The following COBL variants were observed in gnomAD, a reference collection of about 807,000 sequenced individuals.
COBL encodes the protein cordon-bleu WH2 repeat protein, also known as protein cordon-bleu.
COBL carries 51 observed loss-of-function variants against 98.8 expected under a neutral mutation model. That is an observed-to-expected ratio of 0.52 (90% CI 0.41 to 0.65). The LOEUF (loss-of-function observed/expected upper bound fraction) is 0.65, where lower values mean the gene tolerates loss of function less well. Among genes scored for constraint, COBL ranks in the 30% least tolerant of loss-of-function variants. COBL has a pLI of 0.00. For missense variants in COBL, 1,617 were observed against 1,617.5 expected (o/e 1.00, Z 0.01); for synonymous variants, 634 against 651.7 (o/e 0.97, Z 0.41).
intron 7 of COBL, among the ~76,000 whole-genome samples, chr7:51,082,176 A>G (rs1056821503): frequency 1.3e-5 from 2 of 152,182 alleles, no homozygotes; most frequent in Non-Finnish European, 2.9e-5. Flanking sequence ...GCAGAAAAGT[A>G]TGAACTTCCT....
Position 51,026,562 on chromosome 7 carries a change from G to A in COBL, c.3488C>T (p.Thr1163Ile), listed in dbSNP as rs1480206502. 1 of 1,613,962 alleles carries A rather than the reference G, an allele frequency of 6.2e-7. No individual in the cohort carries two copies. Among genetic ancestry groups the A allele is most frequent in the Non-Finnish European group, 8.5e-7 (1 of 1,180,030 alleles). The part of the protein sequence containing the change: ...LLAAIRGHSG[T>I]CSLRKVASSA... Reference sequence around the variant, plus strand: ...ACCTCTTACCTTCCTCAGGCTGCAGGTGCCGCTGTGCCCGCGGATAGCTGC... The same window carrying A: ...ACCTCTTACCTTCCTCAGGCTGCAGATGCCGCTGTGCCCGCGGATAGCTGC... The change falls in exon 11 of 13, where the codon ACC (threonine) becomes ATC (isoleucine). Residue 1163 changes from threonine to isoleucine, a missense_variant. This residue lies in a region of COBL where 1,304 missense variants were observed against 1,282.0 expected (regional missense o/e 1.02). Transcript: ENST00000265136.
At chr7:51,297,272 G>C (rs980053309) in intron 1 of COBL, among the ~76,000 whole-genome samples, 2 of 152,070 alleles carry the variant, frequency 1.3e-5, no homozygotes, top group Non-Finnish European at 2.9e-5. Flanking sequence ...GCATTATTAG[G>C]AATCACACCA....
chr7:51,106,669 G>A lies in COBL; in HGVS notation c.958-21365C>T, dbSNP rs1169432776. On this transcript the variant is annotated intron_variant, in intron 6 of 12. Transcript: ENST00000265136. ...GTTGAAAAGACTCCCATCAAATGCTGATGCCTTAGGTCAACCAAATGATTC... is the reference window on the plus strand; with the variant it reads ...GTTGAAAAGACTCCCATCAAATGCTAATGCCTTAGGTCAACCAAATGATTC... Among the ~76,000 whole-genome samples, 4 of 152,160 alleles carry A rather than the reference G, an allele frequency of 2.6e-5. No individual in the cohort carries two copies. The South Asian group carries it at 8.3e-4, about 32-fold the overall frequency.
chr7:51,259,620 C>A lies in COBL; in HGVS notation c.42-39676G>T, dbSNP rs983353595. On this transcript the variant is annotated intron_variant, in intron 1 of 12. Coordinates refer to ENST00000265136, the MANE Select transcript of COBL (RefSeq NM_015198.5). Reference sequence around the variant, plus strand: ...AATTTCATGAATGAGGTCTTCCAAGCAAATGACACCAAAATTCCCCTGGTG... The same window carrying A: ...AATTTCATGAATGAGGTCTTCCAAGAAAATGACACCAAAATTCCCCTGGTG... The A allele has an allele frequency of 6.6e-5, 48 of 729,972 alleles. 1 individual carries two copies. In the African/African-American group the frequency reaches 7.6e-4, roughly 12 times the overall value. The allele number at this position is 729,972 out of a possible 1,614,324, so 45.2% of individuals were successfully genotyped here.
At chr7:51,272,329 G>C (rs903368098) in intron 1 of COBL, among the ~76,000 whole-genome samples, 1 of 151,952 alleles carries the variant, frequency 6.6e-6, no homozygotes, top group South Asian at 2.1e-4. Context: ...ATTGAGCTTG[G>C]GTTTTAATAA....
At position 51,284,193 on chromosome 7, in the gene COBL, C is replaced by T. The variant is rs187089801; in HGVS notation, c.41+32400G>A. Among the ~76,000 whole-genome samples the T allele has an allele frequency of 7.5e-3, 1,102 of 146,126 alleles. 15 individuals carry two copies. The highest frequency in any genetic ancestry group is 0.027 in the African/African-American group (1,071 of 39,830). ...GCGGGTGCCTGTAGTCCCAGCTACT[C>T]GGGAGGCTGAGGCAGGAGAATGGTG... On this transcript the variant is annotated intron_variant, in intron 1 of 12. Transcript: ENST00000265136.
At chr7:51,090,490 C>T (rs571784495) in intron 6 of COBL, among the ~76,000 whole-genome samples, 2 of 152,354 alleles carry the variant, frequency 1.3e-5, no homozygotes, top group East Asian at 3.9e-4. Flanking sequence ...GTACATCTAA[C>T]ATTCCAGCTT....
At chr7:51,036,336 CAAAAAAAAAAA>C (rs59610375) in intron 8 of COBL, among the ~76,000 whole-genome samples, 13 of 94,204 alleles carry the variant, frequency 1.4e-4, no homozygotes, top group Admixed American at 3.8e-4. Flanking sequence ...GACTCCGTCT[CAAAAAAAAAAA>C]AAAAAAAAAA....
rs61258473 is a variant in COBL, at chr7:51,147,461, C to T, written c.784-11130G>A. Among the ~76,000 whole-genome samples the T allele has an allele frequency of 5.2e-3, 792 of 152,268 alleles. 32 individuals carry two copies. In the East Asian group the frequency reaches 0.13, roughly 25 times the overall value. On this transcript the variant is annotated intron_variant, in intron 5 of 12. Coordinates refer to ENST00000265136, the MANE Select transcript of COBL (RefSeq NM_015198.5). ...GGAGACAGGGTCATTTATAACCTGA[C>T]GCGTTCACCTTACTGCTGTATCTGG...
intron 2 of COBL, among the ~76,000 whole-genome samples, chr7:51,202,585 C>T (rs957014374): frequency 1.4e-4 from 22 of 152,210 alleles, no homozygotes; most frequent in African/African-American, 5.3e-4. Flanking sequence ...GGAAACTACA[C>T]AACACAATCT....
intron 1 of COBL, among the ~76,000 whole-genome samples, chr7:51,283,546 G>A (rs568435194): frequency 1.3e-5 from 2 of 152,280 alleles, no homozygotes; most frequent in Admixed American, 6.5e-5. Context: ...GTGCAGGGGC[G>A]CGATCCTGGC....
intron 1 of COBL, among the ~76,000 whole-genome samples, chr7:51,279,296 G>C (rs1799596148): frequency 6.6e-6 from 1 of 152,196 alleles, no homozygotes. Flanking sequence ...AACTACTAAA[G>C]ACTAAAGGGA....
chr7:51,068,981 T>TGAC (rs1792247264), intron 7 of COBL, among the ~76,000 whole-genome samples: 2 of 152,158 alleles, frequency 1.3e-5, no homozygotes, highest in African/African-American at 4.8e-5. Context: ...GTGCAGTGAG[T>TGAC]GACAGTTCCA....
chr7:51,272,871 A>C (rs534173694), intron 1 of COBL, among the ~76,000 whole-genome samples: 1 of 152,198 alleles, frequency 6.6e-6, no homozygotes, highest in African/African-American at 2.4e-5. Context: ...TCTGCAGGTA[A>C]AGACAACTTA....
intron 2 of COBL, among the ~76,000 whole-genome samples, chr7:51,200,057 G>A (rs945061888): frequency 6.6e-6 from 1 of 152,162 alleles, no homozygotes; most frequent in African/African-American, 2.4e-5. Flanking sequence ...TCACACACAA[G>A]GGAAACATTG....
In COBL at chr7:51,028,834, C is replaced by T. The variant is rs776767753; in HGVS notation, c.2262G>A (p.Ser754=). The change falls in exon 10 of 13, where the codon TCG becomes TCA. Residue 754 remains serine (S), a synonymous_variant. Coordinates refer to ENST00000265136, the MANE Select transcript of COBL (RefSeq NM_015198.5). The part of the protein sequence containing the change: ...ATGIRIISLS[S]SVPEAESQPI... ...GCTGAGATTCTGCTTCAGGCACAGA[C>T]GAAGACAGGGAAATGATCCTGATGC... The T allele has an allele frequency of 1.8e-5, 29 of 1,614,078 alleles. No homozygotes were observed. The highest frequency in any genetic ancestry group is 1.6e-4 in the Middle Eastern group (1 of 6,084).
chr7:51,110,046 C>T (rs1394332888), intron 6 of COBL, among the ~76,000 whole-genome samples: 1 of 152,184 alleles, frequency 6.6e-6, no homozygotes, highest in African/African-American at 2.4e-5. Context: ...TACAAGCTTA[C>T]AATGTGTAAT....
intron 1 of COBL, among the ~76,000 whole-genome samples, chr7:51,264,074 G>C (rs1488559011): frequency 6.6e-6 from 1 of 152,186 alleles, no homozygotes; most frequent in Non-Finnish European, 1.5e-5. Flanking sequence ...GTGAGGAAGA[G>C]AGCCAGGACG....
chr7:51,253,817 C>A (rs562241539), intron 1 of COBL, among the ~76,000 whole-genome samples: 1 of 152,264 alleles, frequency 6.6e-6, no homozygotes, highest in South Asian at 2.1e-4. Flanking sequence ...GAAAACTGTT[C>A]AAAATTATCA....
Sources: allele counts gnomAD v4.1 joint callset (sites outside exome capture counted in the v4.1 genomes callset), GRCh38; gene constraint gnomAD v4.1.1; regional missense constraint gnomAD v4.1.1; transcripts MANE v1.5; gene names NCBI Gene and HGNC (gene_info 2026-07-23, HGNC 2026-07-21).